Variants in CRYBG3 observed in about 807,000 individuals in gnomAD.
CRYBG3 encodes very large A-kinase anchor protein.
Under a neutral mutation model 244.2 loss-of-function variants are expected in CRYBG3, and 127 were observed. The observed-to-expected ratio is 0.52, with a 90% CI of 0.45 to 0.60. CRYBG3 has a LOEUF of 0.60. Among genes scored for constraint, CRYBG3 ranks in the 20% least tolerant of loss-of-function variants. CRYBG3 has a pLI of 0.00. For synonymous variants in CRYBG3, 1,132 were observed against 1,195.8 expected (o/e 0.95, Z 1.10); for missense variants, 3,325 against 3,442.5 (o/e 0.97, Z 0.85).
chr3:97,892,841 A>G lies in CRYBG3; in HGVS notation c.7441-19A>G. The G allele has an allele frequency of 2.3e-6, 3 of 1,321,886 alleles. No individual in the cohort carries two copies. Among genetic ancestry groups the G allele is most frequent in the South Asian group, 2.8e-5 (2 of 71,900 alleles). 81.9% of individuals were successfully genotyped at this position (1,321,886 alleles called of 1,614,324 possible). A position where few individuals can be genotyped will look rare whatever the true frequency, so the allele number is the denominator to read the frequency against. On this transcript the variant is annotated intron_variant, in intron 10 of 21. Coordinates refer to ENST00000389622, the MANE Select transcript of CRYBG3 (RefSeq NM_153605.4). The stretch of plus-strand genomic sequence containing the variant: ...TATGTGTCTATATTAAAATATAAAC[A>G]TGTTAAATAATTTTTCAGGTTATTA...
At chr3:97,847,411 G>T (rs1295761659) in intron 2 of CRYBG3, among the ~76,000 whole-genome samples, 1 of 152,160 alleles carries the variant, frequency 6.6e-6, no homozygotes, top group Non-Finnish European at 1.5e-5. Flanking sequence ...GTTGAAAAAA[G>T]CAAATCTCAA....
chr3:97,868,319 A>G (rs922682967), intron 3 of CRYBG3, among the ~76,000 whole-genome samples: 1 of 151,558 alleles, frequency 6.6e-6, no homozygotes, highest in African/African-American at 2.4e-5. Context: ...AATTGTGTGG[A>G]CTCAACTATA....
chr3:97,877,966 A>G lies in CRYBG3; in HGVS notation c.6772A>G (p.Ile2258Val), dbSNP rs1279371246. Reference protein sequence around the residue: ...SSEKGARFGGIFQEPVSKYFR... With the variant: ...SSEKGARFGGVFQEPVSKYFR... ...AGAAAAAGGAGCCAGATTTGGTGGA[A>G]TTTTTCAGGAACCAGTGTCAAAATA... The change falls in exon 4 of 22, where the codon ATT becomes GTT. Residue 2258 changes from isoleucine to valine, a missense_variant. By Grantham distance (29) the Ile-to-Val change is conservative (BLOSUM62 3). Coordinates refer to ENST00000389622, the MANE Select transcript of CRYBG3 (RefSeq NM_153605.4). 6.2e-7 allele frequency: 1 copy of G among 1,614,112 alleles called. No individual in the cohort carries two copies.
chr3:97,920,624 A>C (rs990378019), intron 17 of CRYBG3, among the ~76,000 whole-genome samples: 1 of 151,632 alleles, frequency 6.6e-6, no homozygotes, highest in Non-Finnish European at 1.5e-5. Context: ...CCGCCTCCCA[A>C]GTTCAAGGAA....
chr3:97,868,695 C>G (rs1000389439), intron 3 of CRYBG3, among the ~76,000 whole-genome samples: 7 of 152,110 alleles, frequency 4.6e-5, no homozygotes, highest in Non-Finnish European at 8.8e-5. Context: ...CAAAGGACCC[C>G]AATACCAAAA....
intron 3 of CRYBG3, among the ~76,000 whole-genome samples, chr3:97,871,403 A>G (rs1244750062): frequency 6.6e-6 from 1 of 152,192 alleles, no homozygotes; most frequent in Non-Finnish European, 1.5e-5. Context: ...CACATGTAAG[A>G]GTAAAGGAAT....
rs527649345 is a variant in CRYBG3, at chr3:97,830,528, TA to T, written c.149+8174del. Among the ~76,000 whole-genome samples, 335 of 152,332 alleles carry T rather than the reference TA, an allele frequency of 2.2e-3. 1 individual carries two copies. The highest frequency in any genetic ancestry group is 7.4e-3 in the African/African-American group (308 of 41,582). Reference sequence around the variant, plus strand: ...CTAACAAACAAGGGTACATGTTAGATATTTTTTTTGTCTTTGCACTTCTGAA... The same window carrying T: ...CTAACAAACAAGGGTACATGTTAGATTTTTTTTTGTCTTTGCACTTCTGAA... On this transcript the variant is annotated intron_variant, in intron 1 of 21. Coordinates refer to ENST00000389622, the MANE Select transcript of CRYBG3 (RefSeq NM_153605.4).
intron 16 of CRYBG3, among the ~76,000 whole-genome samples, chr3:97,914,600 T>A (rs1344495463): frequency 6.6e-6 from 1 of 152,150 alleles, no homozygotes; most frequent in Non-Finnish European, 1.5e-5. Flanking sequence ...AAATGAGTCA[T>A]CGCTCTGAAC....
chr3:97,892,363 A>G (rs1323351722), intron 10 of CRYBG3, among the ~76,000 whole-genome samples: 3 of 152,112 alleles, frequency 2.0e-5, no homozygotes, highest in African/African-American at 7.2e-5. Context: ...TTTCCTTTCA[A>G]ATTGACGCGG....
chr3:97,923,700 A>C (rs1252572581), intron 17 of CRYBG3, among the ~76,000 whole-genome samples: 3 of 152,174 alleles, frequency 2.0e-5, no homozygotes, highest in Non-Finnish European at 4.4e-5. Context: ...TGCAGAGTAT[A>C]AGATAAATAG....
intron 15 of CRYBG3, among the ~76,000 whole-genome samples, chr3:97,908,338 A>G (rs1043298047): frequency 6.6e-6 from 1 of 152,076 alleles, no homozygotes; most frequent in African/African-American, 2.4e-5. Context: ...TCTAATGTTG[A>G]CAGTGGGGTG....
At chr3:97,852,645 G>T (rs1044821842) in intron 2 of CRYBG3, among the ~76,000 whole-genome samples, 1 of 152,182 alleles carries the variant, frequency 6.6e-6, no homozygotes, top group Non-Finnish European at 1.5e-5. Context: ...ACATGGGTGT[G>T]CAGATATCTC....
rs775310844 is a variant in CRYBG3 at position 97,872,775 on chromosome 3, C to A, written c.1581C>A (p.Ile527=). Residue 527 remains isoleucine, a synonymous_variant, in exon 4 of 22, where the codon ATC becomes ATA. Coordinates refer to ENST00000389622, the MANE Select transcript of CRYBG3 (RefSeq NM_153605.4). The stretch of plus-strand genomic sequence containing the variant: ...AGAAAAATGTGGCTGTTAGAGAAAT[C>A]AGGCGAGAAACAGAAAGTGCCTCAG... ...DSQKNVAVRE[I]RRETESASAG... The A allele has an allele frequency of 6.5e-6, 10 of 1,535,816 alleles. No homozygotes were observed. Among genetic ancestry groups the A allele is most frequent in the Non-Finnish European group, 2.6e-6 (3 of 1,146,730 alleles).
At chr3:97,931,165 AC>A (rs1389474103) in intron 17 of CRYBG3, among the ~76,000 whole-genome samples, 1 of 151,792 alleles carries the variant, frequency 6.6e-6, no homozygotes, top group Non-Finnish European at 1.5e-5. Flanking sequence ...CTCACCACTT[AC>A]TCTTCAGCCC....
At chr3:97,916,884 G>A (rs997617040) in intron 17 of CRYBG3, among the ~76,000 whole-genome samples, 2 of 151,814 alleles carry the variant, frequency 1.3e-5, no homozygotes, top group South Asian at 4.2e-4. Context: ...GAGGAAAAAT[G>A]GTTTAAAAAA....
chr3:97,878,012 C>T lies in CRYBG3; in HGVS notation c.6818C>T (p.Pro2273Leu). The T allele has an allele frequency of 6.2e-7, 1 of 1,613,044 alleles. No homozygotes were observed. Among genetic ancestry groups the T allele is most frequent in the Non-Finnish European group, 8.5e-7 (1 of 1,179,688 alleles). ...VSKYFRVQDS[P>L]GRLSPFIENV... The stretch of plus-strand genomic sequence containing the variant: ...AAATATTTCCGTGTTCAAGACAGCC[C>T]AGGCAGATTGAGCCCATTTATAGAG... The change falls in exon 4 of 22, where the codon CCA (proline) becomes CTA (leucine). Residue 2273 changes from proline to leucine, a missense_variant. By Grantham distance (98) the Pro-to-Leu change is moderately conservative (BLOSUM62 -3). Transcript: ENST00000389622.
chr3:97,892,872 G>A lies in CRYBG3; in HGVS notation c.7453G>A (p.Glu2485Lys). ...AATAATTTTTCAGGTTATTATTTAT[G>A]AAAAACCTCACTTCCATGGACAGGC... ...MPMNLKVIIY[E>K]KPHFHGQAKE... Residue 2485 changes from glutamate (E) to lysine (K), a missense_variant, in exon 11 of 22, where the codon GAA becomes AAA. By Grantham distance (56) the Glu-to-Lys change is moderately conservative. Coordinates refer to ENST00000389622, the MANE Select transcript of CRYBG3 (RefSeq NM_153605.4). 1 of 1,481,842 alleles carries A rather than the reference G, an allele frequency of 6.7e-7. No individual in the cohort carries two copies. The highest frequency in any genetic ancestry group is 9.2e-7 in the Non-Finnish European group (1 of 1,090,652). The allele number at this position is 1,481,842 out of a possible 1,614,324, so 91.8% of individuals were successfully genotyped here.
At chr3:97,836,010 C>T (rs1444318473) in intron 1 of CRYBG3, among the ~76,000 whole-genome samples, 1 of 152,034 alleles carries the variant, frequency 6.6e-6, no homozygotes, top group Non-Finnish European at 1.5e-5. Flanking sequence ...CTCAGGCACA[C>T]CTCAGACGTA....
chr3:97,874,455 A>G lies in CRYBG3; in HGVS notation c.3261A>G (p.Gln1087=), dbSNP rs2039345819. ...CCCAAAATAATTTGGATTCTATACA[A>G]GTTACCAAAGATCTCACACATGAAG... is the stretch of plus-strand genomic sequence containing the variant. ...HKPQNNLDSI[Q]VTKDLTHEGT... Residue 1087 remains glutamine, a synonymous_variant, in exon 4 of 22, where the codon CAA becomes CAG. Transcript: ENST00000389622. 2.6e-6 allele frequency: 4 copies of G among 1,534,910 alleles called. No homozygotes were observed. The highest frequency in any genetic ancestry group is 4.9e-5 in the East Asian group (2 of 40,928).
Sources: allele counts gnomAD v4.1 joint callset (sites outside exome capture counted in the v4.1 genomes callset), GRCh38; gene constraint gnomAD v4.1.1; transcripts MANE v1.5; gene names NCBI Gene and HGNC (gene_info 2026-07-23, HGNC 2026-07-21).